The following CERS3 variants were observed in gnomAD, a reference collection of about 807,000 sequenced individuals.
The protein encoded by CERS3 is ceramide synthase 3, also known as LAG1 homolog, ceramide synthase 3.
Under a neutral mutation model 50.3 loss-of-function variants are expected in CERS3, and 33 were observed. The ratio of observed to expected loss-of-function variants is 0.66; its 90% confidence interval spans 0.50 to 0.88. The LOEUF (loss-of-function observed/expected upper bound fraction) is 0.88. Ranked by LOEUF, CERS3 falls within the 40% of genes least tolerant of loss-of-function variation. CERS3 has a pLI of 0.00. For synonymous variants in CERS3, 176 were observed against 155.2 expected (o/e 1.13, Z -0.99); for missense variants, 470 against 460.3 (o/e 1.02, Z -0.19).
chr15:100,487,322 A>T (rs1049819667), intron 4 of CERS3, among the ~76,000 whole-genome samples: 2 of 152,220 alleles, frequency 1.3e-5, no homozygotes, highest in African/African-American at 4.8e-5. Flanking sequence ...TTTACTGAGC[A>T]TCTACTATGT....
chr15:100,500,837 C>T (rs1193043227), intron 3 of CERS3, among the ~76,000 whole-genome samples: 1 of 152,126 alleles, frequency 6.6e-6, no homozygotes, highest in Non-Finnish European at 1.5e-5. Context: ...GATAAGGACC[C>T]TGCAAATGTT....
chr15:100,433,479 G>C (rs2033236446), intron 11 of CERS3, among the ~76,000 whole-genome samples: 1 of 152,200 alleles, frequency 6.6e-6, no homozygotes, highest in Non-Finnish European at 1.5e-5. Flanking sequence ...CTAGATGGCA[G>C]CCCATATCCA....
chr15:100,433,340 C>CG (rs1417005664), intron 11 of CERS3, among the ~76,000 whole-genome samples: 1 of 152,084 alleles, frequency 6.6e-6, no homozygotes, highest in Non-Finnish European at 1.5e-5. Flanking sequence ...AAATTCCCCC[C>CG]GCCGCCCCAC....
chr15:100,467,850 T>TAGATAGATTAGATAGATAGATAG (rs1555528324), intron 10 of CERS3, among the ~76,000 whole-genome samples: 1 of 93,136 alleles, frequency 1.1e-5, no homozygotes, highest in African/African-American at 3.7e-5. Flanking sequence ...TATATATATA[T>TAGATAGATTAGATAGATAGATAG]ATAGATAGAT....
At chr15:100,433,408 A>T (rs1395399050) in intron 11 of CERS3, among the ~76,000 whole-genome samples, 1 of 152,108 alleles carries the variant, frequency 6.6e-6, no homozygotes, top group East Asian at 1.9e-4. Context: ...GTTTCCTAGG[A>T]AACAGAACAC....
chr15:100,402,432 A>G lies in CERS3; in HGVS notation c.*281T>C. ...CAAAGCGAGCCCCTGAGAAAGTGAC[A>G]TGCATGAGGGAGTGCAATTAGAACT... On this transcript the variant is annotated 3_prime_UTR_variant, in exon 12 of 12. Transcript: ENST00000679737. 2.6e-6 allele frequency: 1 copy of G among 379,102 alleles called. No individual in the cohort carries two copies. The highest frequency in any genetic ancestry group is 4.7e-6 in the Non-Finnish European group (1 of 210,638). The allele number at this position is 379,102 out of a possible 1,614,324, so 23.5% of individuals were successfully genotyped here.
intron 4 of CERS3, among the ~76,000 whole-genome samples, chr15:100,485,221 C>A (rs2035450090): frequency 1.3e-5 from 2 of 152,190 alleles, no homozygotes. Flanking sequence ...TCCACTTTTA[C>A]ATTTAATTAT....
At chr15:100,424,898 G>T (rs1209939014) in intron 11 of CERS3, among the ~76,000 whole-genome samples, 1 of 152,126 alleles carries the variant, frequency 6.6e-6, no homozygotes, top group African/African-American at 2.4e-5. Flanking sequence ...AAGACAATGG[G>T]GAAAAATGCC....
At chr15:100,422,967 C>T (rs924696196) in intron 11 of CERS3, among the ~76,000 whole-genome samples, 3 of 149,720 alleles carry the variant, frequency 2.0e-5, no homozygotes, top group African/African-American at 7.4e-5. Flanking sequence ...GGATAGTATC[C>T]GGAGATATAC....
Position 100,469,370 on chromosome 15 carries a change from C to A in CERS3, c.845+8G>T. 1 of 1,608,762 alleles carries A rather than the reference C, an allele frequency of 6.2e-7. No homozygotes were observed. The highest frequency in any genetic ancestry group is 8.5e-7 in the Non-Finnish European group (1 of 1,175,260). ...ACCAAAGGCAGGGCACATCACCGGT[C>A]TACTCACCAGAAAGGAAAAACAATG... On this transcript the variant is annotated splice_region_variant and intron_variant, in intron 10 of 11. Coordinates refer to ENST00000679737, the MANE Select transcript of CERS3 (RefSeq NM_001378789.1).
intron 4 of CERS3, among the ~76,000 whole-genome samples, chr15:100,486,236 T>C (rs750299752): frequency 6.6e-6 from 1 of 152,222 alleles, no homozygotes; most frequent in Non-Finnish European, 1.5e-5. Context: ...ACCAGCCGGA[T>C]AGCTTCTGCT....
In CERS3 at chr15:100,489,443, G is replaced by A. The variant is rs370945981; in HGVS notation, c.288+1374C>T. ...TTTTTCTCCATAGCAGAGAAGCTTGGTAAGGACCAAATTTTCTAGATAATT... is the reference window on the plus strand; with the variant it reads ...TTTTTCTCCATAGCAGAGAAGCTTGATAAGGACCAAATTTTCTAGATAATT... On this transcript the variant is annotated intron_variant, in intron 4 of 11. Transcript: ENST00000679737. Among the ~76,000 whole-genome samples, 16 of 152,254 alleles carry A rather than the reference G, an allele frequency of 1.1e-4. No homozygotes were observed. The South Asian group carries it at 2.7e-3, about 26-fold the overall frequency.
intron 3 of CERS3, among the ~76,000 whole-genome samples, chr15:100,493,260 C>A (rs1322593008): frequency 2.0e-5 from 3 of 152,086 alleles, no homozygotes; most frequent in Non-Finnish European, 4.4e-5. Context: ...GTAATGAATT[C>A]TCTTGGTTTT....
intron 2 of CERS3, among the ~76,000 whole-genome samples, chr15:100,505,275 A>G (rs1392402922): frequency 1.3e-5 from 2 of 152,250 alleles, no homozygotes. Flanking sequence ...AGTACAGATT[A>G]TTTTGTATCA....
intron 2 of CERS3, among the ~76,000 whole-genome samples, chr15:100,513,295 G>A (rs2036399194): frequency 6.6e-6 from 1 of 152,170 alleles, no homozygotes; most frequent in Non-Finnish European, 1.5e-5. Flanking sequence ...TCCACTTGGG[G>A]AAGGTTGTGT....
chr15:100,465,669 T>C (rs994453649), intron 10 of CERS3, among the ~76,000 whole-genome samples: 2 of 152,040 alleles, frequency 1.3e-5, no homozygotes, highest in African/African-American at 4.8e-5. Context: ...CTTTTTTTTT[T>C]TTTTTTGAGA....
intron 11 of CERS3, among the ~76,000 whole-genome samples, chr15:100,432,508 C>T (rs752307302): frequency 6.6e-5 from 10 of 152,122 alleles, no homozygotes; most frequent in Non-Finnish European, 1.2e-4. Context: ...CAGCATAATG[C>T]GACTAACAGC....
intron 3 of CERS3, among the ~76,000 whole-genome samples, chr15:100,499,099 T>TG (rs970963772): frequency 1.2e-4 from 18 of 152,174 alleles, no homozygotes; most frequent in African/African-American, 4.1e-4. Flanking sequence ...GACCTTATGT[T>TG]GCTGGGGTGG....
At chr15:100,443,191 A>G (rs565645286) in intron 11 of CERS3, among the ~76,000 whole-genome samples, 23 of 150,800 alleles carry the variant, frequency 1.5e-4, no homozygotes, top group African/African-American at 5.3e-4. Flanking sequence ...CACAAGTATA[A>G]GATACCTCTA....
Sources: gnomAD v4.1 joint callset for allele counts (sites outside exome capture counted in the v4.1 genomes callset) on GRCh38, gnomAD v4.1.1 for gene constraint, MANE v1.5 for transcripts, NCBI Gene and HGNC (gene_info 2026-07-23, HGNC 2026-07-21) for gene names.